ITGA9: variants seen among roughly 807,000 people sequenced by gnomAD.
ITGA9 encodes the protein integrin alpha-9.
A neutral mutation model predicts 127.8 loss-of-function variants in ITGA9; 56 were observed. The ratio of observed to expected loss-of-function variants is 0.44; its 90% CI spans 0.35 to 0.55. ITGA9 has a LOEUF of 0.55. Among genes scored for constraint, ITGA9 ranks in the 20% least tolerant of loss-of-function variants. The pLI, the probability that ITGA9 is intolerant of heterozygous loss-of-function variation, is 0.00. For synonymous variants in ITGA9, 508 were observed against 514.5 expected (o/e 0.99, Z 0.17); for missense variants, 1,196 against 1,347.1 (o/e 0.89, Z 1.76).
intron 15 of ITGA9, among the ~76,000 whole-genome samples, chr3:37,582,515 A>T (rs946699609): frequency 4.6e-5 from 7 of 152,206 alleles, no homozygotes; most frequent in African/African-American, 1.7e-4. Flanking sequence ...CTCTTAAGAA[A>T]AGGAAGGAGA....
At chr3:37,528,202 T>G (rs913890547) in intron 13 of ITGA9, among the ~76,000 whole-genome samples, 1 of 152,206 alleles carries the variant, frequency 6.6e-6, no homozygotes. Flanking sequence ...AAAGGGTATT[T>G]TCTTTTTCTC....
At chr3:37,513,341 C>G (rs1301879082) in intron 8 of ITGA9, among the ~76,000 whole-genome samples, 1 of 152,170 alleles carries the variant, frequency 6.6e-6, no homozygotes, top group Non-Finnish European at 1.5e-5. Flanking sequence ...CCCTGCCTTG[C>G]TGCTGGAAGT....
In ITGA9 at chr3:37,757,725, TA is replaced by T. The variant is rs541644789; in HGVS notation, c.2541+7165del. Among the ~76,000 whole-genome samples the T allele has an allele frequency of 6.3e-4, 95 of 149,950 alleles. 5 individuals carry two copies. The highest frequency in any genetic ancestry group is 2.1e-3 in the African/African-American group (87 of 40,568). On this transcript the variant is annotated intron_variant, in intron 23 of 27. Transcript: ENST00000264741. ...AATCTGAATAAAATATGCATGAGGTTAAAAAAAAAGTCCAACTAGACTATCT... is the reference window on the plus strand; with the variant it reads ...AATCTGAATAAAATATGCATGAGGTTAAAAAAAAGTCCAACTAGACTATCT...
At chr3:37,671,229 G>A (rs903787117) in intron 17 of ITGA9, among the ~76,000 whole-genome samples, 3 of 152,202 alleles carry the variant, frequency 2.0e-5, no homozygotes, top group East Asian at 1.9e-4. Flanking sequence ...TAGTGATTCC[G>A]GAAACTACTC....
Position 37,783,118 on chromosome 3 carries a change from A to G in ITGA9, c.2788-1859A>G, listed in dbSNP as rs531563172. Among the ~76,000 whole-genome samples, 453 of 152,112 alleles carry G rather than the reference A, an allele frequency of 3.0e-3. 3 individuals carry two copies. The highest frequency in any genetic ancestry group is 0.01 in the African/African-American group (424 of 41,536). On this transcript the variant is annotated intron_variant, in intron 25 of 27. Coordinates refer to ENST00000264741, the MANE Select transcript of ITGA9 (RefSeq NM_002207.3). ...CGTGCCATTGCACTCCAGCCTGGGC[A>G]ACAGAGCGAGACTCTGTCTCAAAAA...
At chr3:37,634,341 C>T (rs1002153689) in intron 16 of ITGA9, among the ~76,000 whole-genome samples, 3 of 150,610 alleles carry the variant, frequency 2.0e-5, no homozygotes, top group Admixed American at 1.3e-4. Context: ...AAAACAAGAC[C>T]TAACTATATG....
At chr3:37,604,844 C>A (rs1359284866) in intron 15 of ITGA9, among the ~76,000 whole-genome samples, 2 of 152,098 alleles carry the variant, frequency 1.3e-5, no homozygotes, top group East Asian at 3.9e-4. Context: ...GCTTCCTCTC[C>A]CCTTCCATGA....
At chr3:37,552,719 A>G (rs778924618) in intron 15 of ITGA9, among the ~76,000 whole-genome samples, 2 of 152,186 alleles carry the variant, frequency 1.3e-5, no homozygotes, top group African/African-American at 2.4e-5. Context: ...TTCGCATAAA[A>G]CATTTTTATT....
chr3:37,567,196 CT>C (rs1699556019), intron 15 of ITGA9, among the ~76,000 whole-genome samples: 1 of 152,178 alleles, frequency 6.6e-6, no homozygotes, highest in South Asian at 2.1e-4. Context: ...AAAGGCACGT[CT>C]TACATGGATG....
chr3:37,488,797 C>CAA (rs768433502), intron 4 of ITGA9, among the ~76,000 whole-genome samples: 1,356 of 125,476 alleles, frequency 0.011, 22 homozygotes, highest in African/African-American at 0.038. Flanking sequence ...GACTCTGTCT[C>CAA]AAAAAAAAAA....
At chr3:37,812,048 T>G (rs1024352099) in intron 27 of ITGA9, among the ~76,000 whole-genome samples, 4 of 152,170 alleles carry the variant, frequency 2.6e-5, no homozygotes, top group African/African-American at 9.6e-5. Context: ...GTTATCACCT[T>G]CCCTTCAAAC....
intron 18 of ITGA9, among the ~76,000 whole-genome samples, chr3:37,727,827 A>G (rs1302084370): frequency 1.3e-5 from 2 of 152,200 alleles, no homozygotes; most frequent in African/African-American, 4.8e-5. Flanking sequence ...GAAGCATCTT[A>G]AAGTAGTATC....
At chr3:37,587,442 A>G (rs971197012) in intron 15 of ITGA9, among the ~76,000 whole-genome samples, 2 of 152,160 alleles carry the variant, frequency 1.3e-5, no homozygotes, top group African/African-American at 2.4e-5. Context: ...TTTGACGACA[A>G]TGTTGAATCA....
intron 15 of ITGA9, among the ~76,000 whole-genome samples, chr3:37,618,488 C>T (rs1333731331): frequency 1.3e-5 from 2 of 152,246 alleles, no homozygotes; most frequent in Non-Finnish European, 1.5e-5. Context: ...CTCTTCAAAG[C>T]TGTCAGACAG....
rs977455347 is a variant in ITGA9 at position 37,683,758 on chromosome 3, G to A, written c.1917-107G>A. The A allele has an allele frequency of 6.2e-6, 7 of 1,132,748 alleles. No homozygotes were observed. The African/African-American group carries it at 1.1e-4, about 17-fold the overall frequency. The allele number at this position is 1,132,748 out of a possible 1,614,324, so 70.2% of individuals were successfully genotyped here. A position where few individuals can be genotyped will look rare whatever the true frequency, so the allele number is the denominator to read the frequency against. ...CTAGTTAATGGGGCTCCTGGAACTT[G>A]TAGTTCTGATCTCGGTTTCTGCCCC... On this transcript the variant is annotated intron_variant, in intron 17 of 27. Transcript: ENST00000264741.
At chr3:37,505,198 T>C (rs570099859) in intron 6 of ITGA9, among the ~76,000 whole-genome samples, 3 of 152,336 alleles carry the variant, frequency 2.0e-5, no homozygotes, top group African/African-American at 7.2e-5. Flanking sequence ...TGAGTCTTGC[T>C]GTGTGATCTT....
At chr3:37,779,274 T>A (rs181303073) in intron 24 of ITGA9, among the ~76,000 whole-genome samples, 3 of 152,232 alleles carry the variant, frequency 2.0e-5, no homozygotes, top group Admixed American at 6.5e-5. Flanking sequence ...CTGGCTAACT[T>A]CTGTATTTTT....
At chr3:37,576,034 AC>A (rs1361417789) in intron 15 of ITGA9, among the ~76,000 whole-genome samples, 2 of 152,194 alleles carry the variant, frequency 1.3e-5, no homozygotes, top group Admixed American at 6.5e-5. Flanking sequence ...CTCGGCCATA[AC>A]CCCGGGAAAG....
chr3:37,600,964 T>C (rs1699917476), intron 15 of ITGA9, among the ~76,000 whole-genome samples: 1 of 152,208 alleles, frequency 6.6e-6, no homozygotes, highest in Non-Finnish European at 1.5e-5. Context: ...AAAATGCAAA[T>C]GCTAGTTTAG....
Sources: gnomAD v4.1 joint callset for allele counts (sites outside exome capture counted in the v4.1 genomes callset) on GRCh38, gnomAD v4.1.1 for gene constraint, MANE v1.5 for transcripts, NCBI Gene and HGNC (gene_info 2026-07-23, HGNC 2026-07-21) for gene names.